Variants in INTS13 observed in about 807,000 individuals in gnomAD.
INTS13 encodes the protein integrator complex subunit 13.
In INTS13, 35 loss-of-function variants were observed where a neutral mutation model predicts 90.2. The observed-to-expected ratio is 0.39, with a 90% confidence interval of 0.30 to 0.51. INTS13 has a LOEUF of 0.51. INTS13 is among the 20% of genes least tolerant of loss of function. The pLI is 0.80. For missense variants in INTS13, 601 were observed against 851.2 expected, an observed-to-expected ratio of 0.71 and a Z score of 3.66; for synonymous variants, 309 against 277.1, an observed-to-expected ratio of 1.11 and a Z score of -1.14.
rs1287059511 is a variant in INTS13 at position 26,936,654 on chromosome 12, T to C, written c.150A>G (p.Ser50=). Residue 50 remains serine (S), a synonymous_variant, in exon 2 of 17, where the codon TCA becomes TCG. Coordinates refer to ENST00000261191, the MANE Select transcript of INTS13 (RefSeq NM_018164.3). ...GIIPLAPISK[S]LWTCSVESSM... Reference sequence around the variant, plus strand: ...AAGATTCTACTGAGCAAGTCCACAATGATTTAGATATGGGGGCCAAAGGAA... The same window carrying C: ...AAGATTCTACTGAGCAAGTCCACAACGATTTAGATATGGGGGCCAAAGGAA... The C allele has an allele frequency of 6.8e-6, 11 of 1,613,568 alleles. No individual in the cohort carries two copies. The highest frequency in any genetic ancestry group is 8.5e-6 in the Non-Finnish European group (10 of 1,179,616).
chr12:26,912,603 C>T (rs980218813), intron 14 of INTS13, among the ~76,000 whole-genome samples: 3 of 152,088 alleles, frequency 2.0e-5, no homozygotes, highest in African/African-American at 7.2e-5. Flanking sequence ...ATATAAATCA[C>T]AAACTAAAGG....
At chr12:26,936,987 C>G (rs892065831) in intron 1 of INTS13, among the ~76,000 whole-genome samples, 173 bp from the exon 2 acceptor site, 5 of 152,156 alleles carry the variant, frequency 3.3e-5, no homozygotes, top group African/African-American at 4.8e-5. Context: ...GACCAGAAAG[C>G]AAGGGTATCA....
chr12:26,929,647 G>A (rs1232962870), intron 3 of INTS13, among the ~76,000 whole-genome samples: 1 of 151,934 alleles, frequency 6.6e-6, no homozygotes, highest in African/African-American at 2.4e-5. Context: ...GAGGCAGAAG[G>A]ATCGCTTGAG....
At chr12:26,928,306 A>T in intron 4 of INTS13, 21 bp from the exon 5 acceptor site, 2 of 1,583,132 alleles carry the variant, frequency 1.3e-6, no homozygotes, top group East Asian at 4.5e-5. Context: ...AAAAAGATAT[A>T]GCAAATTTAA....
At chr12:26,907,972 C>T (rs971914571) in intron 15 of INTS13, among the ~76,000 whole-genome samples, 3 of 152,162 alleles carry the variant, frequency 2.0e-5, no homozygotes, top group Non-Finnish European at 4.4e-5. Context: ...CCAGAACTCT[C>T]ACATACTGGT....
At chr12:26,927,817 T>C (rs1399554706) in intron 5 of INTS13, among the ~76,000 whole-genome samples, 1 of 152,108 alleles carries the variant, frequency 6.6e-6, no homozygotes, top group Non-Finnish European at 1.5e-5. Context: ...GGTTTTGCCA[T>C]GTTGCCCAGG....
In INTS13 at chr12:26,914,055, A is replaced by G. The variant is rs1951864886; in HGVS notation, c.1493T>C (p.Ile498Thr). ...TCTTTCCATATCAACTAAGTTGTAT[A>G]TTGTTTTTTGACAGTTTAACACATC... ...EEDVLNCQKT[I>T]YNLVDMERKN... The change falls in exon 13 of 17, where the codon ATA (isoleucine) becomes ACA (threonine). Residue 498 changes from isoleucine to threonine, a missense_variant. Around this residue, in one of 3 missense-constraint regions of INTS13, gnomAD observed 228 missense variants for 272.5 expected, o/e 0.84. Transcript: ENST00000261191. 6.2e-7 allele frequency: 1 copy of G among 1,611,660 alleles called. No individual in the cohort carries two copies. Among genetic ancestry groups the G allele is most frequent in the Non-Finnish European group, 8.5e-7 (1 of 1,179,076 alleles).
chr12:26,913,246 C>T (rs1413564092), intron 14 of INTS13, among the ~76,000 whole-genome samples: 1 of 152,178 alleles, frequency 6.6e-6, no homozygotes, highest in East Asian at 1.9e-4. Flanking sequence ...AAAACTAACA[C>T]TAACTTTGCC....
intron 8 of INTS13, chr12:26,919,059 CG>C: frequency 2.5e-6 from 1 of 392,786 alleles, no homozygotes; most frequent in Non-Finnish European, 5.2e-6. Context: ...CCAGCTACTC[CG>C]GAGGCTGAGG....
chr12:26,922,607 G>C lies in INTS13; in HGVS notation c.889+9C>G. 1 of 1,575,778 alleles carries C rather than the reference G, an allele frequency of 6.3e-7. No homozygotes were observed. Among genetic ancestry groups the C allele is most frequent in the Non-Finnish European group, 8.6e-7 (1 of 1,157,268 alleles). On this transcript the variant is annotated intron_variant, in intron 8 of 16. Coordinates refer to ENST00000261191, the MANE Select transcript of INTS13 (RefSeq NM_018164.3). ...ATCATACAAAATAATACTTTCAAAT[G>C]TCTCTTACCACTTTTCAGGAAATCT...
chr12:26,911,187 T>C lies in INTS13; in HGVS notation c.1936A>G (p.Lys646Glu). 4 of 1,612,718 alleles carry C rather than the reference T, an allele frequency of 2.5e-6. No individual in the cohort carries two copies. Among genetic ancestry groups the C allele is most frequent in the African/African-American group, 1.3e-5 (1 of 74,812 alleles). ...CACAGCTGTACCTTACCTTTTGATT[T>C]TTCCACTTGTGGAGTTTCATCCATT... ...VEMDETPQVE[K>E]SKGPVSLLSL... The change falls in exon 15 of 17, where the codon AAA becomes GAA. Residue 646 changes from lysine to glutamate, a missense_variant. This residue lies in a region of INTS13 where 228 missense variants were observed against 272.5 expected (regional missense o/e 0.84). Coordinates refer to ENST00000261191, the MANE Select transcript of INTS13 (RefSeq NM_018164.3).
intron 15 of INTS13, among the ~76,000 whole-genome samples, chr12:26,909,554 A>G (rs1951715908): frequency 1.3e-5 from 2 of 150,298 alleles, no homozygotes; most frequent in Admixed American, 6.6e-5. Flanking sequence ...GCTCACTGCA[A>G]TCTCTGCCTC....
intron 14 of INTS13, among the ~76,000 whole-genome samples, chr12:26,913,099 A>G (rs1055962686): frequency 2.6e-5 from 4 of 152,110 alleles, no homozygotes; most frequent in Non-Finnish European, 5.9e-5. Context: ...TCTTGTGCCA[A>G]ATGCCTGGCA....
chr12:26,934,621 T>C lies in INTS13; in HGVS notation c.235A>G (p.Ile79Val). ...IFPFKKLVNF[I>V]VSDSGAHVLN... ...ACATGTGCTCCAGAGTCACTCACAA[T>C]AAAATTCACCTAATAGATTCCAAAG... The change falls in exon 3 of 17, where the codon ATT becomes GTT. Residue 79 changes from isoleucine to valine, a missense_variant. Physicochemically the swap from Ile to Val is conservative, Grantham distance 29. Transcript: ENST00000261191. The C allele has an allele frequency of 6.2e-7, 1 of 1,612,234 alleles. No individual in the cohort carries two copies. Among genetic ancestry groups the C allele is most frequent in the South Asian group, 1.1e-5 (1 of 90,890 alleles).
chr12:26,925,444 T>G (rs1937816160), intron 6 of INTS13, among the ~76,000 whole-genome samples: 1 of 152,034 alleles, frequency 6.6e-6, no homozygotes, highest in Non-Finnish European at 1.5e-5. Context: ...GCTTTTCTAA[T>G]AAGGAAAAAG....
intron 8 of INTS13, 22 bp from the exon 9 acceptor site, chr12:26,917,755 A>G (rs1363388576): frequency 1.3e-6 from 2 of 1,542,384 alleles, no homozygotes; most frequent in Admixed American, 3.3e-5. Flanking sequence ...TGTCAGAGAC[A>G]TTACACATTG....
chr12:26,938,069 C>G (rs578035003), upstream of INTS13: 1 of 152,768 alleles, frequency 6.5e-6, no homozygotes, highest in Non-Finnish European at 1.5e-5. Context: ...GCCTCCCTTC[C>G]CCCTCGTAGG....
chr12:26,925,084 G>A (rs1937793458), intron 6 of INTS13, among the ~76,000 whole-genome samples: 1 of 151,958 alleles, frequency 6.6e-6, no homozygotes, highest in Non-Finnish European at 1.5e-5. Flanking sequence ...GCAGAAAAAA[G>A]TTAATAAAAA....
intron 3 of INTS13, among the ~76,000 whole-genome samples, chr12:26,932,339 G>A (rs529424714): frequency 2.6e-5 from 4 of 152,106 alleles, no homozygotes; most frequent in Admixed American, 6.5e-5. Context: ...AGAACTAGAG[G>A]CACCAATTAC....
Sources: allele counts gnomAD v4.1 joint callset (sites outside exome capture counted in the v4.1 genomes callset), GRCh38; gene constraint gnomAD v4.1.1; regional missense constraint gnomAD v4.1.1; transcripts MANE v1.5; gene names NCBI Gene and HGNC (gene_info 2026-07-23, HGNC 2026-07-21).